MAP3K7: variants seen among roughly 807,000 people sequenced by gnomAD.
The protein encoded by MAP3K7 is TGF-beta activated kinase 1.
A neutral mutation model predicts 84.8 loss-of-function variants in MAP3K7; 21 were observed. That is an observed-to-expected ratio of 0.25 (90% CI 0.18 to 0.36). The LOEUF (loss-of-function observed/expected upper bound fraction) is 0.36. Ranked by LOEUF, MAP3K7 falls within the 10% of genes least tolerant of loss-of-function variation. The pLI is 1.00. For synonymous variants in MAP3K7, 241 were observed against 247.7 expected (o/e 0.97, Z 0.25); for missense variants, 503 against 747.7 (o/e 0.67, Z 3.82).
At chr6:90,583,706 A>G (rs1332510517) in intron 1 of MAP3K7, among the ~76,000 whole-genome samples, 1 of 152,240 alleles carries the variant, frequency 6.6e-6, no homozygotes, top group Non-Finnish European at 1.5e-5. Context: ...TCAAAGTTAC[A>G]AAAATATATT....
At chr6:90,572,017 T>C (rs1423522755) in intron 1 of MAP3K7, among the ~76,000 whole-genome samples, 3 of 151,936 alleles carry the variant, frequency 2.0e-5, no homozygotes, top group African/African-American at 7.2e-5. Flanking sequence ...TGCTTGTCTC[T>C]ATCTTTGAAA....
At chr6:90,571,566 G>C (rs1358750535) in intron 2 of MAP3K7, 131 bp downstream of exon 2, 1 of 487,464 alleles carries the variant, frequency 2.1e-6, no homozygotes, top group Non-Finnish European at 3.5e-6. Context: ...CAGTACCTTT[G>C]ATTAAACCGA....
intron 14 of MAP3K7, among the ~76,000 whole-genome samples, chr6:90,521,990 C>T (rs1359999599): frequency 1.3e-5 from 2 of 152,062 alleles, no homozygotes; most frequent in Non-Finnish European, 2.9e-5. Context: ...AAGACTTTAC[C>T]TATCTGTTCC....
At chr6:90,531,013 T>C (rs1265344751) in intron 13 of MAP3K7, among the ~76,000 whole-genome samples, 3 of 152,320 alleles carry the variant, frequency 2.0e-5, no homozygotes, top group African/African-American at 4.8e-5. Context: ...TTAAGAGATA[T>C]AGGCAAACTT....
chr6:90,553,641 CA>C (rs1776249529), intron 6 of MAP3K7, 55 bp from the exon 7 acceptor site: 1 of 1,504,788 alleles, frequency 6.6e-7, no homozygotes, highest in Admixed American at 2.1e-5. Context: ...ACATGACTTA[CA>C]GAAACAATGG....
At chr6:90,536,426 A>T in intron 12 of MAP3K7, 25 bp from the exon 13 acceptor site, 1 of 1,583,214 alleles carries the variant, frequency 6.3e-7, no homozygotes, top group Non-Finnish European at 8.7e-7. Flanking sequence ...AAAAAAGTAA[A>T]ATACTAAAAT....
At chr6:90,567,519 A>G (rs1362488402) in intron 3 of MAP3K7, among the ~76,000 whole-genome samples, 1 of 152,226 alleles carries the variant, frequency 6.6e-6, no homozygotes, top group Non-Finnish European at 1.5e-5. Context: ...ATGAGATACC[A>G]TCTCACACCA....
At chr6:90,538,049 G>GT (rs1775735037) in intron 12 of MAP3K7, among the ~76,000 whole-genome samples, 1 of 151,958 alleles carries the variant, frequency 6.6e-6, no homozygotes, top group Admixed American at 6.6e-5. Flanking sequence ...TTTTAAGGAA[G>GT]TAAGGTAAAG....
At chr6:90,579,894 C>T (rs375980383) in intron 1 of MAP3K7, among the ~76,000 whole-genome samples, 2 of 152,078 alleles carry the variant, frequency 1.3e-5, no homozygotes, top group African/African-American at 2.4e-5. Context: ...TGGACACCAC[C>T]GCTCCAACAG....
In MAP3K7 at chr6:90,529,096, T is replaced by G. The variant is rs144745699; in HGVS notation, c.1357-5313A>C. On this transcript the variant is annotated intron_variant, in intron 13 of 16. Coordinates refer to ENST00000369329, the MANE Select transcript of MAP3K7 (RefSeq NM_145331.3). ...TGAGGACATGGAGTGCCTAACAGTG[T>G]ACTGCAGGCAAAATGTTCGTTTACT... is the stretch of plus-strand genomic sequence containing the variant. Among the ~76,000 whole-genome samples, 916 of 152,312 alleles carry G rather than the reference T, an allele frequency of 6.0e-3. 6 individuals are homozygous for G. Among genetic ancestry groups the G allele is most frequent in the Non-Finnish European group, 8.9e-3 (602 of 68,010 alleles).
chr6:90,535,357 T>C lies in MAP3K7; in HGVS notation c.1356+980A>G, dbSNP rs111435445. Among the ~76,000 whole-genome samples, 162 of 151,996 alleles carry C rather than the reference T, an allele frequency of 1.1e-3. 1 individual carries two copies. Among genetic ancestry groups the C allele is most frequent in the African/African-American group, 3.5e-3 (144 of 41,530 alleles). ...ACATATTATCATAAATTACAACAGATTGTTTATAATATATAAACGCTAAAA... is the reference window on the plus strand; with the variant it reads ...ACATATTATCATAAATTACAACAGACTGTTTATAATATATAAACGCTAAAA... On this transcript the variant is annotated intron_variant, in intron 13 of 16. Transcript: ENST00000369329.
chr6:90,547,800 C>T (rs763296672), intron 10 of MAP3K7, among the ~76,000 whole-genome samples: 2 of 152,126 alleles, frequency 1.3e-5, no homozygotes, highest in South Asian at 4.1e-4. Flanking sequence ...TCAACCATTA[C>T]ATTTAGGGAT....
At chr6:90,556,356 T>A in intron 6 of MAP3K7, 144 bp downstream of exon 6, 1 of 761,944 alleles carries the variant, frequency 1.3e-6, no homozygotes. Context: ...TATAACACTA[T>A]ATTTAATATC....
intron 16 of MAP3K7, among the ~76,000 whole-genome samples, chr6:90,517,721 CTCT>C (rs1363153328): frequency 1.3e-5 from 2 of 151,630 alleles, no homozygotes; most frequent in Admixed American, 6.6e-5. Context: ...AATTTTTTCT[CTCT>C]TTTTTTTGAA....
intron 2 of MAP3K7, among the ~76,000 whole-genome samples, chr6:90,569,880 C>G (rs1776842467): frequency 1.3e-5 from 2 of 152,152 alleles, no homozygotes; most frequent in African/African-American, 2.4e-5. Context: ...TCTTCTTCCT[C>G]TTCTCTATTA....
chr6:90,539,024 T>C (rs3799912), intron 12 of MAP3K7, among the ~76,000 whole-genome samples: 12,854 of 151,930 alleles, frequency 0.085, 733 homozygotes, highest in South Asian at 0.17. Flanking sequence ...GGGACACCAT[T>C]CTCTTCATGT....
Position 90,550,477 on chromosome 6 carries a change from T to G in MAP3K7, c.940A>C (p.Thr314Pro). 6.2e-7 allele frequency: 1 copy of G among 1,607,474 alleles called. No homozygotes were observed. The highest frequency in any genetic ancestry group is 8.5e-7 in the Non-Finnish European group (1 of 1,174,814). ...YSDEGQSNSA[T>P]STGSFMDIAS... ...CAATCTATCCATTTACCTGTACTGG[T>G]GGCAGAGTTGCTCTGTCCTTCATCT... The change falls in exon 9 of 17, where the codon ACC (threonine) becomes CCC (proline). Residue 314 changes from threonine (T) to proline (P), a missense_variant. Coordinates refer to ENST00000369329, the MANE Select transcript of MAP3K7 (RefSeq NM_145331.3).
chr6:90,546,321 A>G (rs1331569838), intron 11 of MAP3K7, among the ~76,000 whole-genome samples: 2 of 152,158 alleles, frequency 1.3e-5, no homozygotes, highest in East Asian at 3.9e-4. Context: ...AAAAAGACCT[A>G]AAAAATTGGT....
At chr6:90,526,506 C>T (rs1338192110) in intron 13 of MAP3K7, among the ~76,000 whole-genome samples, 1 of 152,024 alleles carries the variant, frequency 6.6e-6, no homozygotes, top group Admixed American at 6.5e-5. Context: ...AGTACTTGAA[C>T]TGACTTTTAA....
Sources: gnomAD v4.1 joint callset for allele counts (sites outside exome capture counted in the v4.1 genomes callset) on GRCh38, gnomAD v4.1.1 for gene constraint, MANE v1.5 for transcripts, NCBI Gene and HGNC (gene_info 2026-07-23, HGNC 2026-07-21) for gene names.